The following GPR161 variants were observed in gnomAD, a reference collection of about 807,000 sequenced individuals.
GPR161 encodes G-protein coupled receptor RE2.
A neutral mutation model predicts 39.2 loss-of-function variants in GPR161; 25 were observed. That is an observed-to-expected ratio of 0.64 (90% confidence interval 0.47 to 0.89). GPR161 has a LOEUF of 0.89. Ranked by LOEUF, GPR161 falls within the 40% of genes least tolerant of loss-of-function variation. GPR161 has a pLI of 0.00. For synonymous variants in GPR161, 286 were observed against 276.6 expected (o/e 1.03, Z -0.34); for missense variants, 547 against 677.8 (o/e 0.81, Z 2.14).
At chr1:168,124,086 G>T (rs186561407) in intron 1 of GPR161, among the ~76,000 whole-genome samples, 8 of 152,316 alleles carry the variant, frequency 5.3e-5, no homozygotes, top group Non-Finnish European at 1.5e-5. Context: ...GGTAAGGATT[G>T]GTGCCACCAC....
intron 1 of GPR161, among the ~76,000 whole-genome samples, chr1:168,116,940 T>C (rs920859501): frequency 6.6e-6 from 1 of 152,206 alleles, no homozygotes; most frequent in Non-Finnish European, 1.5e-5. Context: ...GAACCCCAGA[T>C]GGCCTATGGA....
At chr1:168,102,839 CA>C (rs11383567) in intron 2 of GPR161, among the ~76,000 whole-genome samples, 331 of 135,022 alleles carry the variant, frequency 2.5e-3, no homozygotes, top group East Asian at 4.9e-3. Flanking sequence ...CTTAATAATT[CA>C]AAAAAAAAAA....
At chr1:168,113,112 T>C (rs1456339014) in intron 1 of GPR161, among the ~76,000 whole-genome samples, 2 of 152,206 alleles carry the variant, frequency 1.3e-5, no homozygotes, top group Admixed American at 1.3e-4. Context: ...GGAGGCTTCC[T>C]GGCAGGCAGC....
At chr1:168,133,262 GTC>G (rs201610223) in intron 1 of GPR161, among the ~76,000 whole-genome samples, 2,018 of 152,204 alleles carry the variant, frequency 0.013, 38 homozygotes, top group African/African-American at 0.045. Flanking sequence ...AAATAATTCA[GTC>G]TCTTTTTCTA....
rs1389562498 is a variant in GPR161, at chr1:168,084,056, C to T, written c.*1475G>A. On this transcript the variant is annotated 3_prime_UTR_variant, in exon 6 of 6. Transcript: ENST00000682931. ...TCAGTGGCTTCCCAAGTCATCACAG[C>T]AATTACTCCAGGACCAAACTTCAAC... 6.5e-6 allele frequency: 1 copy of T among 153,052 alleles called. No homozygotes were observed. Among genetic ancestry groups the T allele is most frequent in the East Asian group, 1.9e-4 (1 of 5,204 alleles). 9.5% of individuals were successfully genotyped at this position (153,052 alleles called of 1,614,324 possible).
Position 168,096,569 on chromosome 1 carries a change from C to A in GPR161, c.1038G>T (p.Arg346=), listed in dbSNP as rs776520678. The change falls in exon 3 of 6, where the codon CGG becomes CGT. Residue 346 remains arginine, a synonymous_variant. Coordinates refer to ENST00000682931, the MANE Select transcript of GPR161 (RefSeq NM_001375883.1). The stretch of plus-strand genomic sequence containing the variant: ...TCCTCTGTCGTTGCACAAATGGTTC[C>A]CGATAATACCGGTCCCCAAAGCACA... The part of the protein sequence containing the change: ...LGMCFGDRYY[R]EPFVQRQRTS... 4 of 1,614,046 alleles carry A rather than the reference C, an allele frequency of 2.5e-6. No individual in the cohort carries two copies. Among genetic ancestry groups the A allele is most frequent in the Non-Finnish European group, 3.4e-6 (4 of 1,180,022 alleles).
rs1694144201 is a variant in GPR161 at position 168,082,419 on chromosome 1, GC to G, written c.*3111del. 1 of 152,310 alleles carries G rather than the reference GC, an allele frequency of 6.6e-6. No individual in the cohort carries two copies. 9.4% of individuals were successfully genotyped at this position (152,310 alleles called of 1,614,324 possible). A position where few individuals can be genotyped will look rare whatever the true frequency, so the allele number is the denominator to read the frequency against. ...TCAGGTTCATCCTTGGCTCTGCACA[GC>G]CACACCGCTGCCACCTAGTGTCTAA... On this transcript the variant is annotated 3_prime_UTR_variant, in exon 6 of 6. Transcript: ENST00000682931.
intron 3 of GPR161, among the ~76,000 whole-genome samples, chr1:168,092,482 G>C (rs1303300903): frequency 6.6e-6 from 1 of 152,160 alleles, no homozygotes; most frequent in Non-Finnish European, 1.5e-5. Context: ...GCAGAGGGTG[G>C]AGACAATTAC....
At chr1:168,136,351 C>T in intron 1 of GPR161, 1 of 1,472,690 alleles carries the variant, frequency 6.8e-7, no homozygotes, top group Admixed American at 2.3e-5. Context: ...CCAGGGGGCG[C>T]GGCCCGCATC....
At chr1:168,134,880 GT>G (rs1699251157) in intron 1 of GPR161, 1 of 1,532,600 alleles carries the variant, frequency 6.5e-7, no homozygotes, top group Non-Finnish European at 8.7e-7. Flanking sequence ...CCTGCTGGCA[GT>G]GGAGTTTACA....
chr1:168,130,433 A>G (rs1254368934), intron 1 of GPR161, among the ~76,000 whole-genome samples: 7 of 152,194 alleles, frequency 4.6e-5, no homozygotes, highest in Admixed American at 4.6e-4. Flanking sequence ...GGATCACCAC[A>G]CAGAACCTTA....
At chr1:168,125,478 T>C (rs757007262) in intron 1 of GPR161, among the ~76,000 whole-genome samples, 4 of 152,256 alleles carry the variant, frequency 2.6e-5, no homozygotes, top group Non-Finnish European at 5.9e-5. Context: ...ATACGTTTTA[T>C]ACTGAAAGAC....
chr1:168,119,625 T>C (rs545170410), intron 1 of GPR161, among the ~76,000 whole-genome samples: 3 of 152,262 alleles, frequency 2.0e-5, no homozygotes, highest in South Asian at 4.1e-4. Context: ...CACTCAACTG[T>C]GCACTTAAAA....
At chr1:168,123,496 ATATC>A (rs1698344011) in intron 1 of GPR161, among the ~76,000 whole-genome samples, 1 of 150,224 alleles carries the variant, frequency 6.7e-6, no homozygotes, top group South Asian at 2.1e-4. Context: ...CTATCTATCT[ATATC>A]TATCTATATA....
At position 168,079,583 on chromosome 1, in the gene GPR161, C is replaced by G. The variant is rs985553217; in HGVS notation, c.*5948G>C. Reference sequence around the variant, plus strand: ...ATATTTAATCAGGTAAACAAAAATTCCAAATACATTGTTGCTTATTTATAA... The same window carrying G: ...ATATTTAATCAGGTAAACAAAAATTGCAAATACATTGTTGCTTATTTATAA... On this transcript the variant is annotated 3_prime_UTR_variant, in exon 6 of 6. Coordinates refer to ENST00000682931, the MANE Select transcript of GPR161 (RefSeq NM_001375883.1). 3.3e-5 allele frequency: 5 copies of G among 152,054 alleles called. No homozygotes were observed. The allele number at this position is 152,054 out of a possible 1,614,324, so 9.4% of individuals were successfully genotyped here.
chr1:168,136,958 G>GCCCCC (rs1271768251), upstream of GPR161: 1 of 391,926 alleles, frequency 2.6e-6, no homozygotes, highest in Non-Finnish European at 2.9e-6. Context: ...GCCCCGCCCC[G>GCCCCC]CCCCCCCCAC....
At chr1:168,103,009 A>G (rs545148315) in intron 2 of GPR161, among the ~76,000 whole-genome samples, 14 of 152,330 alleles carry the variant, frequency 9.2e-5, no homozygotes, top group African/African-American at 2.4e-4. Flanking sequence ...TGCCTTTTAT[A>G]TATCAAGAAT....
chr1:168,085,902 G>A (rs575190086), intron 5 of GPR161, 106 bp from the exon 6 acceptor site: 143 of 919,004 alleles, frequency 1.6e-4, no homozygotes, highest in Admixed American at 7.5e-4. Flanking sequence ...GAGACAAACC[G>A]CAGTTAAGGG....
At position 168,091,646 on chromosome 1, in the gene GPR161, G is replaced by A. The variant is rs78400491; in HGVS notation, c.1100-978C>T. Among the ~76,000 whole-genome samples, 1,072 of 152,214 alleles carry A rather than the reference G, an allele frequency of 7.0e-3. 12 individuals carry two copies. Among genetic ancestry groups the A allele is most frequent in the African/African-American group, 0.024 (1,003 of 41,520 alleles). On this transcript the variant is annotated intron_variant, in intron 3 of 5. Transcript: ENST00000682931. The stretch of plus-strand genomic sequence containing the variant: ...GACATTTAAAGGAAGGTACTAGCGT[G>A]AAAGACAGAGATGGGAAAAAAGAAA...
Sources: allele counts gnomAD v4.1 joint callset (sites outside exome capture counted in the v4.1 genomes callset), GRCh38; gene constraint gnomAD v4.1.1; transcripts MANE v1.5; gene names NCBI Gene and HGNC (gene_info 2026-07-23, HGNC 2026-07-21).